The following MAP2 variants were observed in gnomAD, a reference collection of about 807,000 sequenced individuals.
MAP2 encodes microtubule associated protein 2, also known as microtubule-associated protein 2.
Under a neutral mutation model 137.6 loss-of-function variants are expected in MAP2, and 14 were observed. The observed-to-expected ratio is 0.10, with a 90% CI of 0.07 to 0.16. The LOEUF (loss-of-function observed/expected upper bound fraction) is 0.16, where lower values mean the gene tolerates loss of function less well. MAP2 is among the 10% of genes least tolerant of loss of function. The probability of loss-of-function intolerance (pLI) is 1.00; values close to 1 mark genes in which losing one functional copy is unlikely to be tolerated. For missense variants in MAP2, 2,088 were observed against 2,191.5 expected (o/e 0.95, Z 0.94); for synonymous variants, 786 against 782.3 (o/e 1.00, Z -0.08).
chr2:209,488,954 C>T (rs552802092), intron 1 of MAP2, among the ~76,000 whole-genome samples: 56 of 152,310 alleles, frequency 3.7e-4, no homozygotes, highest in African/African-American at 1.2e-3. Flanking sequence ...GACAGACTGC[C>T]TCCTCAAGTG....
At chr2:209,582,638 GGATAGATAGATAGATAGATGATAGATA>G in intron 3 of MAP2, among the ~76,000 whole-genome samples, 1 of 149,818 alleles carries the variant, frequency 6.7e-6, no homozygotes, top group African/African-American at 2.5e-5. Flanking sequence ...AAGCATTTAA[GGATAGATAGATAGATAGATGATAGATA>G]GATAGATAGA....
At chr2:209,678,206 G>A (rs13409134) in intron 5 of MAP2, among the ~76,000 whole-genome samples, 1 of 151,806 alleles carries the variant, frequency 6.6e-6, no homozygotes, top group South Asian at 2.1e-4. Flanking sequence ...GAGGTTAGGA[G>A]TTCAACATAT....
chr2:209,524,106 ATGT>A (rs1377401943), intron 2 of MAP2, among the ~76,000 whole-genome samples: 1 of 152,128 alleles, frequency 6.6e-6, no homozygotes, highest in East Asian at 1.9e-4. Context: ...GTATGAGTAA[ATGT>A]TGTTTCACAG....
intron 2 of MAP2, among the ~76,000 whole-genome samples, chr2:209,513,566 GTGTA>G (rs1194165735): frequency 1.7e-4 from 6 of 35,598 alleles, no homozygotes; most frequent in South Asian, 7.5e-4. Context: ...GCGTATATGT[GTGTA>G]TGTTTTAATA....
At chr2:209,575,632 G>A (rs2153383754) in intron 2 of MAP2, among the ~76,000 whole-genome samples, 1 of 151,214 alleles carries the variant, frequency 6.6e-6, no homozygotes, top group South Asian at 2.1e-4. Flanking sequence ...AAGACAATAT[G>A]GAATACAAAA....
chr2:209,589,459 T>C (rs1238502548), intron 3 of MAP2, among the ~76,000 whole-genome samples: 1 of 152,158 alleles, frequency 6.6e-6, no homozygotes, highest in African/African-American at 2.4e-5. Flanking sequence ...CTACAATATT[T>C]TAATAATGCA....
At position 209,666,026 on chromosome 2, in the gene MAP2, A is replaced by G. The variant is rs2046163695; in HGVS notation, c.263-12546A>G. 2.0e-5 allele frequency among the ~76,000 whole-genome samples: 3 copies of G among 152,108 alleles called. No homozygotes were observed. The South Asian group carries it at 6.2e-4, about 32-fold the overall frequency. Reference sequence around the variant, plus strand: ...CACTTTTAAAAAATCAATTCACTGGATACTTTTTCTCCTTGTTGAATTTTG... The same window carrying G: ...CACTTTTAAAAAATCAATTCACTGGGTACTTTTTCTCCTTGTTGAATTTTG... On this transcript the variant is annotated intron_variant, in intron 5 of 15. Coordinates refer to ENST00000682079, the MANE Select transcript of MAP2 (RefSeq NM_001375505.1).
chr2:209,519,033 C>T (rs766544263), intron 2 of MAP2, among the ~76,000 whole-genome samples: 7 of 151,872 alleles, frequency 4.6e-5, no homozygotes, highest in Non-Finnish European at 8.8e-5. Context: ...TACAGGGAGA[C>T]GGATTAATTA....
intron 1 of MAP2, among the ~76,000 whole-genome samples, chr2:209,476,273 G>T (rs774973514): frequency 6.6e-6 from 1 of 152,174 alleles, no homozygotes; most frequent in South Asian, 2.1e-4. Context: ...TCTGACATAA[G>T]ATTGTTTCCT....
At chr2:209,534,972 TA>T (rs2065731825) in intron 2 of MAP2, among the ~76,000 whole-genome samples, 1 of 33,546 alleles carries the variant, frequency 3.0e-5, no homozygotes, top group Non-Finnish European at 5.4e-5. Context: ...TTTAGTATAT[TA>T]ACAGATATGT....
intron 2 of MAP2, among the ~76,000 whole-genome samples, chr2:209,564,954 A>G (rs946296194): frequency 5.9e-5 from 9 of 152,058 alleles, no homozygotes; most frequent in East Asian, 1.9e-4. Context: ...GGACAGCAAG[A>G]TTCCTTCTGC....
At chr2:209,612,481 C>T (rs536134903) in intron 3 of MAP2, among the ~76,000 whole-genome samples, 45 of 152,180 alleles carry the variant, frequency 3.0e-4, no homozygotes, top group Middle Eastern at 3.4e-3. Context: ...GAGAAAAGAT[C>T]GTTCCTTTAT....
chr2:209,688,717 C>T (rs770616211), intron 7 of MAP2, among the ~76,000 whole-genome samples: 12 of 152,048 alleles, frequency 7.9e-5, no homozygotes, highest in Non-Finnish European at 1.3e-4. Flanking sequence ...CTCATTCTAA[C>T]TAGGTAGTTT....
intron 1 of MAP2, among the ~76,000 whole-genome samples, chr2:209,469,430 T>G (rs1202373510): frequency 1.3e-5 from 2 of 152,226 alleles, no homozygotes; most frequent in African/African-American, 4.8e-5. Flanking sequence ...AATTTTTTTT[T>G]ATATTTTACT....
At chr2:209,704,543 T>A in intron 11 of MAP2, 4 of 1,612,956 alleles carry the variant, frequency 2.5e-6, no homozygotes, top group Non-Finnish European at 3.4e-6. Flanking sequence ...AAGGGCTACA[T>A]TTTCTGACAG....
At position 209,653,384 on chromosome 2, in the gene MAP2, G is replaced by A; in HGVS notation, c.214G>A (p.Glu72Lys). The change falls in exon 5 of 16, where the codon GAG becomes AAG. Residue 72 changes from glutamate to lysine, a missense_variant. Glu to Lys is a moderately conservative substitution (Grantham distance 56). Coordinates refer to ENST00000682079, the MANE Select transcript of MAP2 (RefSeq NM_001375505.1). ...ACAGGGCACCTATTCAAATACCAAA[G>A]AGAATGGGATCAACGGAGAGCTGAC... is the stretch of plus-strand genomic sequence containing the variant. ...GSQGTYSNTK[E>K]NGINGELTSA... 1 of 1,613,686 alleles carries A rather than the reference G, an allele frequency of 6.2e-7. No homozygotes were observed. The highest frequency in any genetic ancestry group is 8.5e-7 in the Non-Finnish European group (1 of 1,179,792).
rs114675582 is a variant in MAP2 at position 209,430,846 on chromosome 2, T to C, written c.-222+6570T>C. On this transcript the variant is annotated intron_variant, in intron 1 of 15. Transcript: ENST00000682079. ...CTAGGAGAACATAAAATACTAAGCA[T>C]CTACTGAAACCTGAATCTCTTATAA... Among the ~76,000 whole-genome samples the C allele has an allele frequency of 2.3e-3, 349 of 152,262 alleles. 1 individual carries two copies. The highest frequency in any genetic ancestry group is 8.0e-3 in the African/African-American group (333 of 41,546).
chr2:209,479,974 C>T (rs1160825653), intron 1 of MAP2, among the ~76,000 whole-genome samples: 1 of 152,076 alleles, frequency 6.6e-6, no homozygotes, highest in African/African-American at 2.4e-5. Flanking sequence ...CCATGTTTTA[C>T]TTAAATAAGT....
chr2:209,488,137 G>A (rs530329628), intron 1 of MAP2, among the ~76,000 whole-genome samples: 5 of 152,288 alleles, frequency 3.3e-5, no homozygotes, highest in South Asian at 2.1e-4. Context: ...TGGAGGTCGA[G>A]CAGAAGCAGG....
Sources: gnomAD v4.1 joint callset for allele counts (sites outside exome capture counted in the v4.1 genomes callset) on GRCh38, gnomAD v4.1.1 for gene constraint, MANE v1.5 for transcripts, NCBI Gene and HGNC (gene_info 2026-07-23, HGNC 2026-07-21) for gene names.